WDR36: variants seen among roughly 807,000 people sequenced by gnomAD.
WDR36 encodes the protein WD repeat-containing protein 36.
Under a neutral mutation model 112.7 loss-of-function variants are expected in WDR36, and 63 were observed. That is an observed-to-expected ratio of 0.56 (90% CI 0.46 to 0.69). The LOEUF is 0.69. Among genes scored for constraint, WDR36 ranks in the 30% least tolerant of loss-of-function variants. WDR36 has a pLI of 0.00. For synonymous variants in WDR36, 410 were observed against 362.2 expected, an observed-to-expected ratio of 1.13 and a Z score of -1.50; for missense variants, 1,226 against 1,070.3, an observed-to-expected ratio of 1.15 and a Z score of -2.03.
Position 111,092,627 on chromosome 5 carries a change from CTTCTT to C in WDR36, c.162+12_162+16del, listed in dbSNP as rs1347407146. The C allele has an allele frequency of 6.2e-7, 1 of 1,611,162 alleles. No individual in the cohort carries two copies. The highest frequency in any genetic ancestry group is 1.3e-5 in the African/African-American group (1 of 75,078). On this transcript the variant is annotated intron_variant, in intron 1 of 22. Coordinates refer to ENST00000513710, the MANE Select transcript of WDR36 (RefSeq NM_139281.3). ...GTTTCCACACCTATGACGTGAGTGA[CTTCTT>C]TTGTTAGCTTCCCAGGAAAACCACC...
chr5:111,110,111 T>TA (rs113468387), intron 12 of WDR36, 78 bp from the exon 13 acceptor site: 34 of 980,640 alleles, frequency 3.5e-5, no homozygotes, highest in Middle Eastern at 4.4e-4. Context: ...AACAAGTAGA[T>TA]AAAAAAATGC....
intron 16 of WDR36, among the ~76,000 whole-genome samples, chr5:111,114,645 TCCTCAGG>T (rs1283513584): frequency 6.6e-6 from 1 of 152,152 alleles, no homozygotes; most frequent in Non-Finnish European, 1.5e-5. Flanking sequence ...GACTGTATCC[TCCTCAGG>T]CTTCAGAAAG....
At chr5:111,110,038 T>G in intron 12 of WDR36, 151 bp from the exon 13 acceptor site, 1 of 645,250 alleles carries the variant, frequency 1.5e-6, no homozygotes. Flanking sequence ...CCAAATATAA[T>G]TACTTTATGT....
In WDR36 at chr5:111,111,165, G is replaced by C; in HGVS notation, c.1608-5G>C. ...TTATTAAAACTGGTGCATTTATCTT[G>C]CTAGTGGCATTCTGGGACTCGCCTT... On this transcript the variant is annotated splice_region_variant and splice_polypyrimidine_tract_variant and intron_variant, in intron 14 of 22. Transcript: ENST00000513710. 6.2e-7 allele frequency: 1 copy of C among 1,611,012 alleles called. No homozygotes were observed. Among genetic ancestry groups the C allele is most frequent in the Non-Finnish European group, 8.5e-7 (1 of 1,177,544 alleles).
intron 16 of WDR36, among the ~76,000 whole-genome samples, chr5:111,115,704 C>T (rs77514201): frequency 6.6e-6 from 1 of 151,992 alleles, no homozygotes; most frequent in Non-Finnish European, 1.5e-5. Flanking sequence ...ATGAGTAAAC[C>T]CTTGAGTGTA....
intron 3 of WDR36, 50 bp from the exon 4 acceptor site, chr5:111,098,667 TATGAC>T (rs1232866094): frequency 1.1e-5 from 13 of 1,130,670 alleles, no homozygotes; most frequent in Non-Finnish European, 1.6e-5. Flanking sequence ...ATATGAATAA[TATGAC>T]ATGATGACTG....
At chr5:111,103,720 G>T in intron 6 of WDR36, 66 bp from the exon 7 acceptor site, 1 of 1,579,954 alleles carries the variant, frequency 6.3e-7, no homozygotes, top group Non-Finnish European at 8.7e-7. Context: ...ATAATGATGC[G>T]TATCATCAGG....
intron 16 of WDR36, among the ~76,000 whole-genome samples, chr5:111,114,900 G>C (rs1475549039): frequency 1.3e-5 from 2 of 152,166 alleles, no homozygotes; most frequent in African/African-American, 4.8e-5. Flanking sequence ...TTATTCAGTA[G>C]TAGTAAATTG....
chr5:111,098,058 A>G (rs1482819115), intron 3 of WDR36, among the ~76,000 whole-genome samples: 2 of 152,326 alleles, frequency 1.3e-5, no homozygotes, highest in East Asian at 3.9e-4. Flanking sequence ...TGGAGACTTT[A>G]ATAAAGGACC....
intron 16 of WDR36, among the ~76,000 whole-genome samples, chr5:111,116,459 A>G (rs1441723761): frequency 6.6e-6 from 1 of 152,208 alleles, no homozygotes; most frequent in East Asian, 1.9e-4. Flanking sequence ...CACTTTGGAA[A>G]TAGAACATAT....
At chr5:111,104,440 C>G (rs1753184033) in intron 8 of WDR36, 88 bp downstream of exon 8, 2 of 1,554,094 alleles carry the variant, frequency 1.3e-6, no homozygotes, top group Non-Finnish European at 1.8e-6. Flanking sequence ...CAGCTTTCAA[C>G]CTAGAAGATG....
At chr5:111,119,451 A>G (rs1293277789) in intron 17 of WDR36, among the ~76,000 whole-genome samples, 1 of 152,166 alleles carries the variant, frequency 6.6e-6, no homozygotes, top group Non-Finnish European at 1.5e-5. Flanking sequence ...TCCCACAACT[A>G]CTTTACGACC....
At chr5:111,094,744 AAATACAGTTGAAAATATAAACTTTCCT>A (rs554291322) in intron 1 of WDR36, among the ~76,000 whole-genome samples, 149 bp from the exon 2 acceptor site, 11 of 152,324 alleles carry the variant, frequency 7.2e-5, no homozygotes, top group African/African-American at 2.6e-4. Context: ...ACTCCTGGTG[AAATACAGTTGAAAATATAAACTTTCCT>A]AATAAAGAAA....
intron 15 of WDR36, among the ~76,000 whole-genome samples, chr5:111,111,970 C>G (rs1411678488): frequency 6.6e-6 from 1 of 151,750 alleles, no homozygotes; most frequent in Non-Finnish European, 1.5e-5. Context: ...ACGAACCCAA[C>G]AGCTGCATTT....
rs748684292 is a variant in WDR36 at position 111,092,372 on chromosome 5, G to T, written c.-85G>T. On this transcript the variant is annotated 5_prime_UTR_variant, in exon 1 of 23. Transcript: ENST00000513710. ...TGTTGTGTCTGCAGCTCTGGCAGAG[G>T]ACTGTTCCACTAGACACGCTGAAGG... The T allele has an allele frequency of 1.9e-6, 3 of 1,614,134 alleles. No individual in the cohort carries two copies. The highest frequency in any genetic ancestry group is 2.5e-6 in the Non-Finnish European group (3 of 1,180,052).
At chr5:111,100,242 G>C (rs1018176043) in intron 4 of WDR36, among the ~76,000 whole-genome samples, 5 of 151,796 alleles carry the variant, frequency 3.3e-5, no homozygotes, top group Non-Finnish European at 7.4e-5. Flanking sequence ...ATTCACTCCT[G>C]TCTGTTGATC....
At chr5:111,100,809 G>C in intron 5 of WDR36, 88 bp downstream of exon 5, 1 of 1,340,904 alleles carries the variant, frequency 7.5e-7, no homozygotes, top group Non-Finnish European at 1.0e-6. Context: ...ATTTCTCCCT[G>C]CCCTTGTATA....
In WDR36 at chr5:111,104,049, A is replaced by G. The variant is rs1048912196; in HGVS notation, c.731-128A>G. 4 of 1,394,452 alleles carry G rather than the reference A, an allele frequency of 2.9e-6. No individual in the cohort carries two copies. The Admixed American group carries it at 8.6e-5, about 30-fold the overall frequency. 86.4% of individuals were successfully genotyped at this position (1,394,452 alleles called of 1,614,324 possible). A position where few individuals can be genotyped will look rare whatever the true frequency, so the allele number is the denominator to read the frequency against. ...TGAATACTGGAGTAAAAGGCAAAGA[A>G]ATATGAATAGATTATTGGTATATAG... is the stretch of plus-strand genomic sequence containing the variant. On this transcript the variant is annotated intron_variant, in intron 7 of 22. Coordinates refer to ENST00000513710, the MANE Select transcript of WDR36 (RefSeq NM_139281.3).
rs1239651108 is a variant in WDR36, at chr5:111,121,065, T to A, written c.2072T>A (p.Leu691Ter). 2.5e-6 allele frequency: 4 copies of A among 1,613,664 alleles called. No individual in the cohort carries two copies. The highest frequency in any genetic ancestry group is 3.4e-6 in the Non-Finnish European group (4 of 1,179,682). Reference sequence around the variant, plus strand: ...ATAGAATATGATTCGCCAGAACAGTTGAATGAGCAATTGGTGACTCTTTCA... The same window carrying A: ...ATAGAATATGATTCGCCAGAACAGTAGAATGAGCAATTGGTGACTCTTTCA... ...ELIEYDSPEQ[L>*]NEQLVTLSLL... Residue 691 changes from leucine (L) to a stop codon, truncating the protein, a stop_gained, in exon 19 of 23, where the codon TTG becomes TAG. Transcript: ENST00000513710. LOFTEE classifies it high-confidence loss of function.
Sources: gnomAD v4.1 joint callset for allele counts (sites outside exome capture counted in the v4.1 genomes callset) on GRCh38, gnomAD v4.1.1 for gene constraint, MANE v1.5 for transcripts, NCBI Gene and HGNC (gene_info 2026-07-23, HGNC 2026-07-21) for gene names.